Variants in WDR19 observed in about 807,000 individuals in gnomAD.
WDR19 encodes the protein WD repeat domain 19.
WDR19 carries 121 observed loss-of-function variants against 180.0 expected under a neutral mutation model. The ratio of observed to expected loss-of-function variants is 0.67; its 90% CI spans 0.58 to 0.78. The LOEUF (loss-of-function observed/expected upper bound fraction) is 0.78. Ranked by LOEUF, WDR19 falls within the 30% of genes least tolerant of loss-of-function variation. The probability of loss-of-function intolerance (pLI) is 0.00; values close to 1 mark genes in which losing one functional copy is unlikely to be tolerated. For missense variants in WDR19, 1,450 were observed against 1,640.7 expected (o/e 0.88, Z 2.01); for synonymous variants, 497 against 540.7 (o/e 0.92, Z 1.12).
chr4:39,219,546 G>C (rs985444554), intron 14 of WDR19, among the ~76,000 whole-genome samples: 2 of 152,152 alleles, frequency 1.3e-5, no homozygotes, highest in African/African-American at 4.8e-5. Context: ...GGCAAATCTG[G>C]GTTCAAACAC....
At chr4:39,281,982 G>A (rs1278041563) in intron 36 of WDR19, among the ~76,000 whole-genome samples, 2 of 152,084 alleles carry the variant, frequency 1.3e-5, no homozygotes, top group African/African-American at 4.8e-5. Context: ...CAGTGTAAGA[G>A]CATCTCTCAT....
intron 5 of WDR19, among the ~76,000 whole-genome samples, chr4:39,198,860 T>C (rs993850843): frequency 1.3e-5 from 2 of 151,882 alleles, no homozygotes; most frequent in African/African-American, 4.8e-5. Flanking sequence ...ATTAGTTGGG[T>C]GTGGTGGCTC....
chr4:39,272,891 C>T (rs1735506195), intron 31 of WDR19, 89 bp from the exon 32 acceptor site: 2 of 1,076,032 alleles, frequency 1.9e-6, no homozygotes, highest in Non-Finnish European at 2.7e-6. Context: ...CCTGGGCCAT[C>T]ATCAAGGAGT....
chr4:39,264,617 C>A (rs941241657), intron 28 of WDR19, among the ~76,000 whole-genome samples: 2 of 152,190 alleles, frequency 1.3e-5, no homozygotes, highest in Non-Finnish European at 2.9e-5. Context: ...CCCCAGTGAT[C>A]ATCTCCTCCA....
At chr4:39,185,574 T>G in intron 1 of WDR19, 152 bp from the exon 2 acceptor site, 1 of 636,214 alleles carries the variant, frequency 1.6e-6, no homozygotes, top group East Asian at 3.0e-5. Context: ...GTTTTATTTC[T>G]TTTGTTGTTA....
intron 21 of WDR19, among the ~76,000 whole-genome samples, chr4:39,243,528 G>A (rs1222428921): frequency 6.6e-6 from 1 of 151,700 alleles, no homozygotes; most frequent in Admixed American, 6.6e-5. Flanking sequence ...TCTTTGTCTG[G>A]CTACATCAAT....
At chr4:39,205,857 T>A in intron 9 of WDR19, 121 bp downstream of exon 9, 1 of 924,002 alleles carries the variant, frequency 1.1e-6, no homozygotes, top group Non-Finnish European at 1.6e-6. Flanking sequence ...CGTCTAAGAC[T>A]ACTTTGCTCC....
At chr4:39,245,511 C>T in intron 24 of WDR19, 59 bp downstream of exon 24, 1 of 1,532,590 alleles carries the variant, frequency 6.5e-7, no homozygotes, top group Non-Finnish European at 8.9e-7. Flanking sequence ...TACAAATTAA[C>T]CATTGATATT....
chr4:39,216,003 C>T lies in WDR19; in HGVS notation c.1124C>T (p.Pro375Leu). 1.9e-6 allele frequency: 3 copies of T among 1,598,146 alleles called. No individual in the cohort carries two copies. Among genetic ancestry groups the T allele is most frequent in the Non-Finnish European group, 2.6e-6 (3 of 1,173,312 alleles). The change falls in exon 11 of 37, where the codon CCT becomes CTT. Residue 375 changes from proline to leucine, a missense_variant. Pro to Leu is a moderately conservative substitution (Grantham distance 98, BLOSUM62 -3). Coordinates refer to ENST00000399820, the MANE Select transcript of WDR19 (RefSeq NM_025132.4). ...CTCCTTGAAGTCACCGTAGCCAACCCTGTTGAAGGAGTATGAAAATGGTGT... is the reference window on the plus strand; with the variant it reads ...CTCCTTGAAGTCACCGTAGCCAACCTTGTTGAAGGAGTATGAAAATGGTGT... ...TSLLEVTVAN[P>L]VEGELPITVS...
At chr4:39,224,758 A>ATACT in intron 14 of WDR19, 126 bp from the exon 15 acceptor site, 1 of 825,010 alleles carries the variant, frequency 1.2e-6, no homozygotes, top group South Asian at 2.1e-5. Context: ...TTATTCTTAG[A>ATACT]TACTTCATCA....
intron 6 of WDR19, among the ~76,000 whole-genome samples, chr4:39,200,745 AG>A: frequency 6.6e-6 from 1 of 152,192 alleles, no homozygotes; most frequent in East Asian, 1.9e-4. Flanking sequence ...GCCCACAAAA[AG>A]TAGGGCAGGG....
At chr4:39,245,322 G>A in intron 23 of WDR19, 47 bp from the exon 24 acceptor site, 4 of 1,458,612 alleles carry the variant, frequency 2.7e-6, no homozygotes, top group Non-Finnish European at 3.8e-6. Flanking sequence ...GGCTACTTTT[G>A]GAGTGAACAC....
At chr4:39,217,705 A>C (rs1002613262) in intron 13 of WDR19, among the ~76,000 whole-genome samples, 2 of 152,162 alleles carry the variant, frequency 1.3e-5, no homozygotes, top group Admixed American at 6.5e-5. Context: ...GGCATCTCTC[A>C]CATCTGTTTC....
intron 21 of WDR19, among the ~76,000 whole-genome samples, chr4:39,240,799 T>A (rs988500904): frequency 1.3e-5 from 2 of 149,350 alleles, no homozygotes; most frequent in Middle Eastern, 3.4e-3. Flanking sequence ...AAAAAAAAAA[T>A]ACAAAAATTA....
At position 39,226,000 on chromosome 4, in the gene WDR19, A is replaced by G. The variant is rs73136733; in HGVS notation, c.1629+967A>G. On this transcript the variant is annotated intron_variant, in intron 15 of 36. Coordinates refer to ENST00000399820, the MANE Select transcript of WDR19 (RefSeq NM_025132.4). ...TGCAAAGCAAATGAGGATGACATAAATGAAGATAAACCTCGAGTTTCCTCT... is the reference window on the plus strand; with the variant it reads ...TGCAAAGCAAATGAGGATGACATAAGTGAAGATAAACCTCGAGTTTCCTCT... Among the ~76,000 whole-genome samples, 1,171 of 152,344 alleles carry G rather than the reference A, an allele frequency of 7.7e-3. 13 individuals are homozygous for G. The highest frequency in any genetic ancestry group is 0.027 in the African/African-American group (1,119 of 41,586).
intron 30 of WDR19, 89 bp downstream of exon 30, chr4:39,268,180 ACGTT>A: frequency 2.7e-6 from 3 of 1,123,670 alleles, no homozygotes; most frequent in Non-Finnish European, 3.7e-6. Flanking sequence ...AGTAGCCCCT[ACGTT>A]TGTAACATAG....
intron 28 of WDR19, among the ~76,000 whole-genome samples, chr4:39,265,250 C>T (rs887246856): frequency 7.3e-5 from 11 of 151,700 alleles, no homozygotes; most frequent in South Asian, 2.1e-4. Context: ...GATTTCTAAG[C>T]CAGCCTTCCC....
intron 1 of WDR19, among the ~76,000 whole-genome samples, chr4:39,183,368 G>GC (rs771233595): frequency 2.8e-5 from 4 of 145,444 alleles, no homozygotes; most frequent in African/African-American, 7.6e-5. Context: ...TCCTGCCTCA[G>GC]CCCCCCGAGT....
intron 30 of WDR19, 93 bp from the exon 31 acceptor site, chr4:39,269,883 A>C: frequency 6.7e-7 from 1 of 1,488,006 alleles, no homozygotes; most frequent in Non-Finnish European, 9.1e-7. Context: ...ACTAATAACA[A>C]GATTAACAAA....
Sources: gnomAD v4.1 joint callset for allele counts (sites outside exome capture counted in the v4.1 genomes callset) on GRCh38, gnomAD v4.1.1 for gene constraint, MANE v1.5 for transcripts, NCBI Gene and HGNC (gene_info 2026-07-23, HGNC 2026-07-21) for gene names.